Variants in GBE1 observed in about 807,000 individuals in gnomAD.
GBE1 encodes 1,4-alpha-glucan-branching enzyme.
GBE1 carries 70 observed loss-of-function variants against 88.8 expected under a neutral mutation model. That is an observed-to-expected ratio of 0.79 (90% confidence interval 0.65 to 0.96). GBE1 has a LOEUF of 0.96. GBE1 is among the 40% of genes least tolerant of loss of function. The pLI, the probability that GBE1 is intolerant of heterozygous loss-of-function variation, is 0.00. For synonymous variants in GBE1, 284 were observed against 300.1 expected, an observed-to-expected ratio of 0.95 and a Z score of 0.56; for missense variants, 872 against 871.0, an observed-to-expected ratio of 1.00 and a Z score of -0.01.
intron 7 of GBE1, among the ~76,000 whole-genome samples, chr3:81,628,772 T>TATATATAA (rs1704457943): frequency 8.5e-6 from 1 of 117,242 alleles, no homozygotes; most frequent in Admixed American, 8.7e-5. Context: ...TATATATATA[T>TATATATAA]ATATATATAT....
intron 7 of GBE1, among the ~76,000 whole-genome samples, chr3:81,608,939 T>C (rs909419775): frequency 2.0e-5 from 3 of 152,128 alleles, no homozygotes; most frequent in South Asian, 2.1e-4. Context: ...TAAGGAAACG[T>C]TGACTCAAAG....
At chr3:81,636,156 T>A (rs917799546) in intron 7 of GBE1, among the ~76,000 whole-genome samples, 1 of 152,150 alleles carries the variant, frequency 6.6e-6, no homozygotes, top group African/African-American at 2.4e-5. Flanking sequence ...TCCAGACAGA[T>A]TGGATTGATA....
intron 1 of GBE1, among the ~76,000 whole-genome samples, chr3:81,717,959 A>AT (rs988726873): frequency 2.4e-5 from 1 of 42,432 alleles, no homozygotes; most frequent in Middle Eastern, 8.2e-3. Flanking sequence ...ATTTTATTTT[A>AT]TTTATTTATT....
At position 81,660,633 on chromosome 3, in the gene GBE1, A is replaced by C. The variant is rs182564090; in HGVS notation, c.429+10205T>G. Among the ~76,000 whole-genome samples the C allele has an allele frequency of 2.2e-3, 333 of 152,246 alleles. 9 individuals carry two copies. The highest frequency in any genetic ancestry group is 0.02 in the Admixed American group (299 of 15,294). ...ATGTTCATGAGAACATATAATTTTCAATTTGAGCACTAGTCACGTGGGGAA... is the reference window on the plus strand; with the variant it reads ...ATGTTCATGAGAACATATAATTTTCCATTTGAGCACTAGTCACGTGGGGAA... On this transcript the variant is annotated intron_variant, in intron 3 of 15. Coordinates refer to ENST00000429644, the MANE Select transcript of GBE1 (RefSeq NM_000158.4).
intron 14 of GBE1, among the ~76,000 whole-genome samples, chr3:81,513,946 C>T (rs1365310366): frequency 6.6e-6 from 1 of 151,580 alleles, no homozygotes; most frequent in African/African-American, 2.4e-5. Context: ...AACCACTATC[C>T]TTGCAATGAG....
chr3:81,715,112 C>A (rs1354980843), intron 1 of GBE1, among the ~76,000 whole-genome samples: 1 of 152,134 alleles, frequency 6.6e-6, no homozygotes, highest in Non-Finnish European at 1.5e-5. Context: ...CAAACTTTGA[C>A]CATTACGGGA....
At chr3:81,640,582 C>T (rs757824637) in intron 7 of GBE1, among the ~76,000 whole-genome samples, 4 of 151,628 alleles carry the variant, frequency 2.6e-5, no homozygotes, top group African/African-American at 7.3e-5. Context: ...AGTCAGTTCT[C>T]GTAATAAACT....
intron 14 of GBE1, among the ~76,000 whole-genome samples, chr3:81,519,139 C>A (rs989915790): frequency 6.6e-6 from 1 of 151,604 alleles, no homozygotes; most frequent in Non-Finnish European, 1.5e-5. Context: ...CAACTCATAG[C>A]AACATCTCTG....
chr3:81,556,057 T>C (rs1221367122), intron 12 of GBE1, among the ~76,000 whole-genome samples: 1 of 152,148 alleles, frequency 6.6e-6, no homozygotes, highest in Non-Finnish European at 1.5e-5. Context: ...CTTTGTACAG[T>C]GAGATGTTCT....
At chr3:81,506,396 A>G (rs571942207) in intron 14 of GBE1, among the ~76,000 whole-genome samples, 16 of 152,288 alleles carry the variant, frequency 1.1e-4, no homozygotes, top group African/African-American at 3.4e-4. Context: ...TAAAAAGTCA[A>G]AAAATAACAG....
chr3:81,676,224 G>A (rs1705249966), intron 2 of GBE1, among the ~76,000 whole-genome samples: 1 of 152,022 alleles, frequency 6.6e-6, no homozygotes, highest in Non-Finnish European at 1.5e-5. Context: ...AGTATGTGGG[G>A]AGTAGGCACG....
intron 7 of GBE1, among the ~76,000 whole-genome samples, chr3:81,601,484 T>C (rs1438079293): frequency 6.6e-6 from 1 of 152,174 alleles, no homozygotes; most frequent in Non-Finnish European, 1.5e-5. Flanking sequence ...AATTTTAATA[T>C]GTGGTCATAC....
At chr3:81,528,309 G>T (rs1292047205) in intron 14 of GBE1, among the ~76,000 whole-genome samples, 1 of 151,660 alleles carries the variant, frequency 6.6e-6, no homozygotes, top group Non-Finnish European at 1.5e-5. Flanking sequence ...ACACCAACAT[G>T]GCACATGTAT....
intron 12 of GBE1, among the ~76,000 whole-genome samples, chr3:81,566,110 T>C (rs1703491390): frequency 6.6e-6 from 1 of 152,186 alleles, no homozygotes. Context: ...TACCACAATC[T>C]GAACTTTTCT....
At chr3:81,534,958 A>C in intron 14 of GBE1, 1 of 388,410 alleles carries the variant, frequency 2.6e-6, no homozygotes, top group Non-Finnish European at 4.6e-6. Context: ...CTTTGATGTG[A>C]ACCACGTCTG....
intron 2 of GBE1, among the ~76,000 whole-genome samples, chr3:81,671,493 A>G (rs1356900646): frequency 6.6e-6 from 1 of 152,170 alleles, no homozygotes; most frequent in Non-Finnish European, 1.5e-5. Context: ...GGAAGAAAGT[A>G]AAACCAACAA....
intron 3 of GBE1, among the ~76,000 whole-genome samples, chr3:81,666,678 A>G (rs1471775269): frequency 6.6e-6 from 1 of 152,210 alleles, no homozygotes; most frequent in African/African-American, 2.4e-5. Flanking sequence ...ACTCAACCAA[A>G]ATGCCATGCC....
At chr3:81,751,866 C>A (rs143449076) in intron 1 of GBE1, among the ~76,000 whole-genome samples, 2 of 152,110 alleles carry the variant, frequency 1.3e-5, no homozygotes, top group African/African-American at 4.8e-5. Context: ...TAAATATAAC[C>A]TGTGGCTAGG....
chr3:81,583,435 C>A (rs1030199039), intron 10 of GBE1, among the ~76,000 whole-genome samples: 2 of 152,026 alleles, frequency 1.3e-5, no homozygotes, highest in Admixed American at 6.6e-5. Flanking sequence ...TATACAGTAA[C>A]TTTATTCATA....
Sources: allele counts gnomAD v4.1 joint callset (sites outside exome capture counted in the v4.1 genomes callset), GRCh38; gene constraint gnomAD v4.1.1; transcripts MANE v1.5; gene names NCBI Gene and HGNC (gene_info 2026-07-23, HGNC 2026-07-21).